Variants in ZNF362 observed in about 807,000 individuals in gnomAD.
The protein encoded by ZNF362 is rotund homolog.
Under a neutral mutation model 42.9 loss-of-function variants are expected in ZNF362, and 11 were observed. The ratio of observed to expected loss-of-function variants is 0.26; its 90% confidence interval spans 0.16 to 0.42. ZNF362 has a LOEUF of 0.42. ZNF362 is among the 20% of genes least tolerant of loss of function. The pLI, the probability that ZNF362 is intolerant of heterozygous loss-of-function variation, is 1.00. For missense variants in ZNF362, 362 were observed against 576.2 expected (o/e 0.63, Z 3.81); for synonymous variants, 255 against 257.3 (o/e 0.99, Z 0.09).
rs1383851172 is a variant in ZNF362, at chr1:33,256,666, C to G, written c.-89+12C>G. The G allele has an allele frequency of 2.5e-4, 37 of 145,552 alleles. No individual in the cohort carries two copies. Among genetic ancestry groups the G allele is most frequent in the Admixed American group, 2.5e-3 (37 of 14,696 alleles). 9.0% of individuals were successfully genotyped at this position (145,552 alleles called of 1,614,324 possible). On this transcript the variant is annotated intron_variant, in intron 1 of 8. Coordinates refer to ENST00000539719, the MANE Select transcript of ZNF362 (RefSeq NM_152493.3). Reference sequence around the variant, plus strand: ...GCCAGCACAGCCAGGTCCGTGCGGGCCCGGGGCGCGCGGGGAGCGGGCCCA... The same window carrying G: ...GCCAGCACAGCCAGGTCCGTGCGGGGCCGGGGCGCGCGGGGAGCGGGCCCA...
the ZNF362 span, chr1:33,180,998 C>T: frequency 3.9e-6 from 6 of 1,550,146 alleles, no homozygotes; most frequent in Non-Finnish European, 5.2e-6. Context: ...GGCCCCGCCC[C>T]TTCCCCAGGC....
chr1:33,169,662 C>G, the ZNF362 span, among the ~76,000 whole-genome samples: 6 of 152,150 alleles, frequency 3.9e-5, no homozygotes, highest in South Asian at 1.2e-3. Flanking sequence ...AGCTCTTGGT[C>G]CAGACGTGTG....
chr1:33,248,857 G>A, the ZNF362 span, among the ~76,000 whole-genome samples: 2 of 152,106 alleles, frequency 1.3e-5, no homozygotes, highest in African/African-American at 2.4e-5. Flanking sequence ...CACCAGTGCC[G>A]GCCACTGCTC....
chr1:33,175,659 T>C, the ZNF362 span, among the ~76,000 whole-genome samples: 1 of 152,218 alleles, frequency 6.6e-6, no homozygotes, highest in Non-Finnish European at 1.5e-5. Context: ...CTCTTCCTCC[T>C]ACTTGCAGTG....
In ZNF362 at chr1:33,262,295, TTC is replaced by T. The variant is rs1271014622; in HGVS notation, c.-89+5643_-89+5644del. 1.6e-3 allele frequency among the ~76,000 whole-genome samples: 200 copies of T among 127,432 alleles called. 5 individuals carry two copies. Among genetic ancestry groups the T allele is most frequent in the African/African-American group, 5.7e-3 (187 of 33,034 alleles). The allele number at this position is 127,432 out of a possible 152,430, so 83.6% of individuals were successfully genotyped here. A position where few individuals can be genotyped will look rare whatever the true frequency, so the allele number is the denominator to read the frequency against. ...TGAACTTTGGGCAAAGGCTTTAGGA[TTC>T]TTTTTTTTTTTTTTTTTTTTTTTTT... On this transcript the variant is annotated intron_variant, in intron 1 of 8. Coordinates refer to ENST00000539719, the MANE Select transcript of ZNF362 (RefSeq NM_152493.3).
intron 4 of ZNF362, 71 bp downstream of exon 4, chr1:33,276,665 T>A (rs1379636265): frequency 7.8e-7 from 1 of 1,288,658 alleles, no homozygotes; most frequent in African/African-American, 1.6e-5. Context: ...AGCGGGGGAC[T>A]TGGTGAGGAT....
the ZNF362 span, chr1:33,159,943 G>C: frequency 6.2e-7 from 1 of 1,601,214 alleles, no homozygotes; most frequent in South Asian, 1.1e-5. The surrounding 1 kb of genome is among the most constrained non-coding windows in gnomAD (Gnocchi z 4.2). Context: ...CTTGGTGGAA[G>C]ACTGTGGGGG....
At chr1:33,165,418 A>G in the ZNF362 span, 1 of 1,462,186 alleles carries the variant, frequency 6.8e-7, no homozygotes, top group Admixed American at 2.1e-5. The surrounding 1 kb of genome is among the most constrained non-coding windows in gnomAD (Gnocchi z 4.0). Flanking sequence ...CCGCCCCTCG[A>G]AGCCCTGCCC....
Position 33,276,509 on chromosome 1 carries a change from G to T in ZNF362, c.264G>T (p.Leu88=), listed in dbSNP as rs1275033781. The T allele has an allele frequency of 4.5e-6, 7 of 1,566,016 alleles. No homozygotes were observed. The African/African-American group carries it at 9.5e-5, about 21-fold the overall frequency. Reference sequence around the variant, plus strand: ...AGGCCGTCATGTCGCTGCCCAAGCTGCAGCAGGTGCCGGGGCTGCATCCAC... The same window carrying T: ...AGGCCGTCATGTCGCTGCCCAAGCTTCAGCAGGTGCCGGGGCTGCATCCAC... ...SSQAVMSLPK[L]QQVPGLHPQA... The change falls in exon 4 of 9, where the codon CTG becomes CTT. Residue 88 remains leucine, a synonymous_variant. Coordinates refer to ENST00000539719, the MANE Select transcript of ZNF362 (RefSeq NM_152493.3).
At chr1:33,176,342 A>T in the ZNF362 span, 1 of 641,082 alleles carries the variant, frequency 1.6e-6, no homozygotes, top group Non-Finnish European at 2.9e-6. Flanking sequence ...ATTTGAACCT[A>T]GCCCCCAGCC....
intron 8 of ZNF362, among the ~76,000 whole-genome samples, chr1:33,296,034 G>A (rs991620088): frequency 6.6e-6 from 1 of 152,136 alleles, no homozygotes; most frequent in African/African-American, 2.4e-5. Context: ...TCGGGCATTG[G>A]GATGAGCCAG....
Position 33,258,996 on chromosome 1 carries a change from T to G in ZNF362, c.-89+2342T>G, listed in dbSNP as rs142564785. On this transcript the variant is annotated intron_variant, in intron 1 of 8. Transcript: ENST00000539719. The stretch of plus-strand genomic sequence containing the variant: ...GGAAGGACTCTTCTAGGTTTTGGAC[T>G]CTCTAATTCTTCTGCTGAACCCAGT... Among the ~76,000 whole-genome samples, 596 of 152,258 alleles carry G rather than the reference T, an allele frequency of 3.9e-3. 3 individuals carry two copies. The highest frequency in any genetic ancestry group is 0.014 in the African/African-American group (564 of 41,552).
Position 33,300,507 on chromosome 1 carries a change from CT to C in ZNF362, c.*1462del, listed in dbSNP as rs1646160189. 6.6e-6 allele frequency: 1 copy of C among 152,280 alleles called. No individual in the cohort carries two copies. The highest frequency in any genetic ancestry group is 1.5e-5 in the Non-Finnish European group (1 of 68,050). The allele number at this position is 152,280 out of a possible 1,614,324, so 9.4% of individuals were successfully genotyped here. A position where few individuals can be genotyped will look rare whatever the true frequency, so the allele number is the denominator to read the frequency against. ...AAAAGAAAAAACAGTCTGTTGGCTTCTCAGTCTGCATCTTGGAGGCAGGGAG... is the reference window on the plus strand; with the variant it reads ...AAAAGAAAAAACAGTCTGTTGGCTTCCAGTCTGCATCTTGGAGGCAGGGAG... On this transcript the variant is annotated 3_prime_UTR_variant, in exon 9 of 9. Transcript: ENST00000539719.
chr1:33,195,712 C>G, the ZNF362 span: 1 of 151,686 alleles, frequency 6.6e-6, no homozygotes, highest in Non-Finnish European at 1.5e-5. Context: ...GCACTTACCA[C>G]AAGTGAAGCT....
chr1:33,127,787 A>T, the ZNF362 span, among the ~76,000 whole-genome samples: 1 of 152,292 alleles, frequency 6.6e-6, no homozygotes, highest in African/African-American at 2.4e-5. Flanking sequence ...ATAATTCTTG[A>T]TCTCTAGGCC....
At chr1:33,156,110 C>G in the ZNF362 span, among the ~76,000 whole-genome samples, 1 of 152,226 alleles carries the variant, frequency 6.6e-6, no homozygotes, top group Non-Finnish European at 1.5e-5. Context: ...AGCCATGCAG[C>G]AGATCGCAGT....
Position 33,276,532 on chromosome 1 carries a change from C to T in ZNF362, c.287C>T (p.Pro96Leu), listed in dbSNP as rs1168548339. The change falls in exon 4 of 9, where the codon CCA becomes CTA. Residue 96 changes from proline to leucine, a missense_variant. Physicochemically the swap from Pro to Leu is moderately conservative, Grantham distance 98 (BLOSUM62 -3). Coordinates refer to ENST00000539719, the MANE Select transcript of ZNF362 (RefSeq NM_152493.3). ...CTGCAGCAGGTGCCGGGGCTGCATC[C>T]ACAGGCGGTGCCGCAGCCCGACGTG... ...PKLQQVPGLHPQAVPQPDVAL... is the reference protein window; with the variant it reads ...PKLQQVPGLHLQAVPQPDVAL... 9.1e-6 allele frequency: 14 copies of T among 1,531,794 alleles called. No homozygotes were observed. The highest frequency in any genetic ancestry group is 1.2e-5 in the Non-Finnish European group (14 of 1,143,946). 94.9% of individuals were successfully genotyped at this position (1,531,794 alleles called of 1,614,324 possible).
At chr1:33,181,335 C>T in the ZNF362 span, 3 of 1,579,864 alleles carry the variant, frequency 1.9e-6, no homozygotes, top group Non-Finnish European at 1.7e-6. The surrounding 1 kb of genome is among the most constrained non-coding windows in gnomAD (Gnocchi z 6.5). Flanking sequence ...CGTGATGCAG[C>T]GGCGGCAGAA....
intron 1 of ZNF362, among the ~76,000 whole-genome samples, chr1:33,258,795 T>C (rs1645811055): frequency 6.6e-6 from 1 of 152,184 alleles, no homozygotes; most frequent in Admixed American, 6.5e-5. Flanking sequence ...GGTGTGGTGA[T>C]TATCACATCA....
Sources: allele counts gnomAD v4.1 joint callset (sites outside exome capture counted in the v4.1 genomes callset), GRCh38; gene constraint gnomAD v4.1.1; non-coding constraint Gnocchi (gnomAD v3.1); transcripts MANE v1.5; gene names NCBI Gene and HGNC (gene_info 2026-07-23, HGNC 2026-07-21).